The following PPM1L variants were observed in gnomAD, a reference collection of about 807,000 sequenced individuals.
The protein encoded by PPM1L is protein phosphatase, Mg2+/Mn2+ dependent 1L.
Under a neutral mutation model 31.4 loss-of-function variants are expected in PPM1L, and 13 were observed. That is an observed-to-expected ratio of 0.41 (90% CI 0.27 to 0.66). The LOEUF is 0.66. Among genes scored for constraint, PPM1L ranks in the 30% least tolerant of loss-of-function variants. The probability of loss-of-function intolerance (pLI) is 0.29; values close to 1 mark genes in which losing one functional copy is unlikely to be tolerated. For missense variants in PPM1L, 326 were observed against 453.7 expected (o/e 0.72, Z 2.56); for synonymous variants, 184 against 175.4 (o/e 1.05, Z -0.39).
intron 1 of PPM1L, among the ~76,000 whole-genome samples, chr3:160,937,539 G>GA (rs748828802): frequency 1.6e-4 from 25 of 152,086 alleles, no homozygotes; most frequent in Non-Finnish European, 2.5e-4. Flanking sequence ...AGAATGGCAT[G>GA]AACCCAGGAG....
At chr3:160,961,631 G>T in intron 1 of PPM1L, 105 bp from the exon 2 acceptor site, 2 of 934,008 alleles carry the variant, frequency 2.1e-6, no homozygotes, top group East Asian at 6.0e-5. Flanking sequence ...TGGAGGGTTG[G>T]TTTCACAGTG....
chr3:160,829,461 T>G (rs1713454797), intron 1 of PPM1L, among the ~76,000 whole-genome samples: 1 of 152,176 alleles, frequency 6.6e-6, no homozygotes, highest in Admixed American at 6.5e-5. Context: ...CTCTTCTGAT[T>G]AAAACAAAGC....
chr3:160,840,738 G>GAGAAGGAGAGAGAGAA (rs1295190411), intron 1 of PPM1L, among the ~76,000 whole-genome samples: 1 of 148,018 alleles, frequency 6.8e-6, no homozygotes, highest in Non-Finnish European at 1.5e-5. Flanking sequence ...GAGAGAGAGA[G>GAGAAGGAGAGAGAGAA]AGAAGGAGAG....
At chr3:161,022,885 C>T (rs903109521) in intron 2 of PPM1L, among the ~76,000 whole-genome samples, 10 of 151,976 alleles carry the variant, frequency 6.6e-5, no homozygotes, top group East Asian at 1.9e-4. Context: ...AGAATGGTCT[C>T]GATCTCCTGA....
At chr3:160,946,344 G>A (rs1006611526) in intron 1 of PPM1L, among the ~76,000 whole-genome samples, 6 of 152,138 alleles carry the variant, frequency 3.9e-5, no homozygotes, top group Admixed American at 2.6e-4. Flanking sequence ...ATTAAATGAA[G>A]TAATTAATAT....
rs1017768865 is a variant in PPM1L at position 161,074,263 on chromosome 3, A to G, written c.*5106A>G. ...TCATCCCACCTTTCATGTTTTATGT[A>G]CATAGTTAAGTTTGGCATGTTATCT... On this transcript the variant is annotated 3_prime_UTR_variant, in exon 4 of 4. Coordinates refer to ENST00000498165, the MANE Select transcript of PPM1L (RefSeq NM_139245.4). 3 of 152,322 alleles carry G rather than the reference A, an allele frequency of 2.0e-5. No homozygotes were observed. The highest frequency in any genetic ancestry group is 2.0e-4 in the Admixed American group (3 of 15,302). 9.4% of individuals were successfully genotyped at this position (152,322 alleles called of 1,614,324 possible).
At chr3:160,980,301 C>T (rs944166472) in intron 2 of PPM1L, among the ~76,000 whole-genome samples, 2 of 151,918 alleles carry the variant, frequency 1.3e-5, no homozygotes, top group Non-Finnish European at 2.9e-5. Flanking sequence ...TCTTTCAAGG[C>T]GGTGAAGTAT....
intron 1 of PPM1L, among the ~76,000 whole-genome samples, chr3:160,784,822 A>G (rs1711857355): frequency 6.6e-6 from 1 of 152,140 alleles, no homozygotes; most frequent in Admixed American, 6.5e-5. Context: ...AAGTACTTTT[A>G]TTTGTCCCAG....
At chr3:160,943,753 C>G (rs1715231401) in intron 1 of PPM1L, among the ~76,000 whole-genome samples, 1 of 152,086 alleles carries the variant, frequency 6.6e-6, no homozygotes, top group Non-Finnish European at 1.5e-5. Context: ...TTCTATTAAT[C>G]TTCACTATTT....
intron 1 of PPM1L, among the ~76,000 whole-genome samples, chr3:160,915,846 G>C (rs998421330): frequency 2.0e-5 from 3 of 152,136 alleles, no homozygotes; most frequent in Admixed American, 2.0e-4. Flanking sequence ...TGGGAAAACT[G>C]GCTAGCCATA....
rs914961698 is a variant in PPM1L, at chr3:160,774,483, T to C, written c.399+17776T>C. Among the ~76,000 whole-genome samples the C allele has an allele frequency of 3.9e-5, 6 of 152,346 alleles. No homozygotes were observed. In the South Asian group the frequency reaches 1.2e-3, roughly 32 times the overall value. The stretch of plus-strand genomic sequence containing the variant: ...CTATTAATAAACCAACTGGATTATA[T>C]ATTGTTTCTTTTTTTAAAAAAACCT... On this transcript the variant is annotated intron_variant, in intron 1 of 3. Coordinates refer to ENST00000498165, the MANE Select transcript of PPM1L (RefSeq NM_139245.4).
chr3:161,063,805 G>A (rs1719645292), intron 2 of PPM1L, among the ~76,000 whole-genome samples: 1 of 152,192 alleles, frequency 6.6e-6, no homozygotes, highest in African/African-American at 2.4e-5. Context: ...TAAAGAAAAT[G>A]TGGCACATAT....
intron 2 of PPM1L, among the ~76,000 whole-genome samples, chr3:161,033,255 G>A (rs570754024): frequency 6.6e-6 from 1 of 152,176 alleles, no homozygotes; most frequent in East Asian, 1.9e-4. Context: ...CATGAAAATG[G>A]CCATACTACC....
chr3:160,973,965 G>C (rs1450160685), intron 2 of PPM1L, among the ~76,000 whole-genome samples: 3 of 148,282 alleles, frequency 2.0e-5, no homozygotes, highest in Admixed American at 6.7e-5. Context: ...TGGTGCGCTG[G>C]ACCCACTAAC....
intron 3 of PPM1L, 32 bp from the exon 4 acceptor site, chr3:161,068,779 G>A (rs1436601350): frequency 6.4e-7 from 1 of 1,559,470 alleles, no homozygotes; most frequent in East Asian, 2.2e-5. Context: ...ATATCAGCTG[G>A]TCAAACTAAT....
chr3:161,036,017 C>G (rs1184446186), intron 2 of PPM1L: 1 of 152,200 alleles, frequency 6.6e-6, no homozygotes, highest in Non-Finnish European at 1.5e-5. Context: ...AAGTCCAAAT[C>G]AAGCCATGAC....
At chr3:160,978,967 C>T (rs934156283) in intron 2 of PPM1L, among the ~76,000 whole-genome samples, 2 of 151,964 alleles carry the variant, frequency 1.3e-5, no homozygotes, top group African/African-American at 2.4e-5. Flanking sequence ...ATACTCTATA[C>T]TGGAATACTC....
chr3:161,038,127 G>T (rs995817841), intron 2 of PPM1L, among the ~76,000 whole-genome samples: 1 of 150,710 alleles, frequency 6.6e-6, no homozygotes, highest in African/African-American at 2.4e-5. Flanking sequence ...CCAGCTACTC[G>T]GGAGGCTGAG....
chr3:161,049,077 T>TA (rs199940685), intron 2 of PPM1L, among the ~76,000 whole-genome samples: 22,882 of 140,872 alleles, frequency 0.16, 2,833 homozygotes, highest in African/African-American at 0.35. Context: ...CTTAAAGTAT[T>TA]AAAAAAAAAA....
Sources: allele counts gnomAD v4.1 joint callset (sites outside exome capture counted in the v4.1 genomes callset), GRCh38; gene constraint gnomAD v4.1.1; transcripts MANE v1.5; gene names NCBI Gene and HGNC (gene_info 2026-07-23, HGNC 2026-07-21).